The following TANC2 variants were observed in gnomAD, a reference collection of about 807,000 sequenced individuals.
The protein encoded by TANC2 is tetratricopeptide repeat, ankyrin repeat and coiled-coil containing 2.
In TANC2, 26 loss-of-function variants were observed where a neutral mutation model predicts 210.5. That is an observed-to-expected ratio of 0.12 (90% CI 0.09 to 0.17). The LOEUF (loss-of-function observed/expected upper bound fraction) is 0.17, where lower values mean the gene tolerates loss of function less well. TANC2 is among the 10% of genes least tolerant of loss of function. The pLI, the probability that TANC2 is intolerant of heterozygous loss-of-function variation, is 1.00. For synonymous variants in TANC2, 931 were observed against 967.1 expected (o/e 0.96, Z 0.69); for missense variants, 2,129 against 2,608.9 (o/e 0.82, Z 4.01).
exon 28 of TANC2, chr17:63,425,089 G>A (rs562406718): frequency 6.6e-6 from 1 of 152,314 alleles, no homozygotes; most frequent in African/African-American, 2.4e-5. Context: ...ATGACAAAAT[G>A]GAGACCATTT....
chr17:63,223,233 A>G (rs534701934), intron 7 of TANC2, among the ~76,000 whole-genome samples: 1 of 152,320 alleles, frequency 6.6e-6, no homozygotes, highest in South Asian at 2.1e-4. Flanking sequence ...GAATTTGTTC[A>G]CTTTGATGCA....
At chr17:63,113,611 G>C (rs896571942) in intron 4 of TANC2, among the ~76,000 whole-genome samples, 1 of 152,134 alleles carries the variant, frequency 6.6e-6, no homozygotes, top group African/African-American at 2.4e-5. Flanking sequence ...GGGGTCAAGA[G>C]ATCTTCCCAC....
At chr17:63,145,090 G>A (rs1269052082) in intron 4 of TANC2, among the ~76,000 whole-genome samples, 2 of 151,560 alleles carry the variant, frequency 1.3e-5, no homozygotes, top group Non-Finnish European at 2.9e-5. Flanking sequence ...CCATTTTGCA[G>A]GAAATGAATA....
At chr17:63,407,563 A>G (rs551414607) in intron 21 of TANC2, among the ~76,000 whole-genome samples, 1 of 152,178 alleles carries the variant, frequency 6.6e-6, no homozygotes, top group African/African-American at 2.4e-5. Flanking sequence ...GGACTGTTTC[A>G]TTTTTTTCCA....
At chr17:63,259,222 T>G (rs1361884177) in intron 8 of TANC2, among the ~76,000 whole-genome samples, 4 of 152,312 alleles carry the variant, frequency 2.6e-5, no homozygotes, top group Non-Finnish European at 5.9e-5. Context: ...TCCTCTTTAC[T>G]GTCTCCTCTC....
At chr17:63,117,395 A>G (rs2038292135) in intron 4 of TANC2, among the ~76,000 whole-genome samples, 1 of 152,202 alleles carries the variant, frequency 6.6e-6, no homozygotes, top group South Asian at 2.1e-4. Flanking sequence ...TGAAAGGACA[A>G]GCTTATGTCA....
intron 9 of TANC2, among the ~76,000 whole-genome samples, chr17:63,268,133 G>A (rs74319346): frequency 0.021 from 3,134 of 152,270 alleles, 41 homozygotes; most frequent in South Asian, 0.033. Context: ...AAAGAAAACA[G>A]ATGTAAAGGG....
At chr17:63,063,140 A>G (rs1275911726) in intron 2 of TANC2, among the ~76,000 whole-genome samples, 1 of 152,232 alleles carries the variant, frequency 6.6e-6, no homozygotes, top group Non-Finnish European at 1.5e-5. Flanking sequence ...TTATAAAACA[A>G]TATGACTCAG....
Position 63,392,934 on chromosome 17 carries a change from G to A in TANC2, c.3052-2809G>A, listed in dbSNP as rs77278739. Among the ~76,000 whole-genome samples the A allele has an allele frequency of 3.9e-5, 6 of 152,190 alleles. No homozygotes were observed. The East Asian group carries it at 1.2e-3, about 29-fold the overall frequency. ...CCTAATGTTAACAGCCTAAGTAATT[G>A]TAGTCTCATTATCAAAACCAGGAAA... On this transcript the variant is annotated intron_variant, in intron 17 of 27. Coordinates refer to ENST00000689528, the Ensembl canonical transcript of TANC2.
intron 1 of TANC2, among the ~76,000 whole-genome samples, chr17:63,009,126 T>C (rs866209200): frequency 2.0e-5 from 3 of 152,112 alleles, no homozygotes; most frequent in Non-Finnish European, 4.4e-5. Context: ...TTTAGCACTT[T>C]TATTACTTTT....
At chr17:63,137,196 A>G (rs1052309097) in intron 4 of TANC2, among the ~76,000 whole-genome samples, 1 of 152,214 alleles carries the variant, frequency 6.6e-6, no homozygotes, top group African/African-American at 2.4e-5. Flanking sequence ...AACTAGCCTC[A>G]GAGTAAAAAA....
At chr17:63,180,907 C>T (rs1474233097) in intron 5 of TANC2, among the ~76,000 whole-genome samples, 1 of 151,266 alleles carries the variant, frequency 6.6e-6, no homozygotes, top group Non-Finnish European at 1.5e-5. Flanking sequence ...GCATGTAGTC[C>T]CAGCTACTAG....
chr17:63,081,710 AGCTCTTG>A (rs775567867), intron 3 of TANC2, among the ~76,000 whole-genome samples: 8 of 152,020 alleles, frequency 5.3e-5, no homozygotes, highest in Admixed American at 1.3e-4. Flanking sequence ...TATAATCTTA[AGCTCTTG>A]GAATACGTAG....
intron 7 of TANC2, among the ~76,000 whole-genome samples, chr17:63,207,837 C>T (rs2440139): frequency 0.099 from 15,013 of 152,160 alleles, 1,064 homozygotes; most frequent in African/African-American, 0.2. Context: ...GTTTATACTG[C>T]CACTAGCAAT....
intron 15 of TANC2, among the ~76,000 whole-genome samples, chr17:63,384,310 C>T (rs1251662308): frequency 2.0e-5 from 3 of 151,934 alleles, no homozygotes; most frequent in Admixed American, 6.6e-5. Context: ...AGTCTCAAGC[C>T]GTCCTCCCTC....
intron 4 of TANC2, among the ~76,000 whole-genome samples, chr17:63,144,110 G>T (rs1427575657): frequency 1.3e-5 from 2 of 152,184 alleles, no homozygotes; most frequent in Non-Finnish European, 2.9e-5. Flanking sequence ...AGTGGGGCCT[G>T]TGTTTATATT....
chr17:63,025,707 A>G (rs1000837611), intron 2 of TANC2, among the ~76,000 whole-genome samples: 3 of 151,938 alleles, frequency 2.0e-5, no homozygotes, highest in African/African-American at 7.3e-5. Flanking sequence ...GAGGCATGAG[A>G]ATCGCTTGAA....
intron 8 of TANC2, among the ~76,000 whole-genome samples, chr17:63,256,780 T>C (rs2043207938): frequency 6.6e-6 from 1 of 152,180 alleles, no homozygotes; most frequent in South Asian, 2.1e-4. Flanking sequence ...TGCATATGTA[T>C]TTGGGTGCTC....
At chr17:63,224,426 A>G (rs2042276985) in intron 7 of TANC2, among the ~76,000 whole-genome samples, 1 of 151,988 alleles carries the variant, frequency 6.6e-6, no homozygotes, top group Admixed American at 6.6e-5. Flanking sequence ...TAATTTTTGC[A>G]TTTTTAGGAG....
Sources: allele counts gnomAD v4.1 joint callset (sites outside exome capture counted in the v4.1 genomes callset), GRCh38; gene constraint gnomAD v4.1.1; transcripts MANE v1.5; gene names NCBI Gene and HGNC (gene_info 2026-07-23, HGNC 2026-07-21).